Variants in PITPNM3 observed in about 807,000 individuals in gnomAD.
PITPNM3 encodes PITPNM family member 3.
PITPNM3 carries 26 observed loss-of-function variants against 102.0 expected under a neutral mutation model. The observed-to-expected ratio is 0.25, with a 90% CI of 0.19 to 0.35. PITPNM3 has a LOEUF of 0.35. PITPNM3 is among the 10% of genes least tolerant of loss of function. The pLI is 1.00. For synonymous variants in PITPNM3, 578 were observed against 558.6 expected, an observed-to-expected ratio of 1.03 and a Z score of -0.49; for missense variants, 1,083 against 1,346.1, an observed-to-expected ratio of 0.80 and a Z score of 3.06.
intron 3 of PITPNM3, among the ~76,000 whole-genome samples, chr17:6,514,715 C>T (rs1303415451): frequency 6.6e-6 from 1 of 152,164 alleles, no homozygotes; most frequent in African/African-American, 2.4e-5. Flanking sequence ...AAAAGTTAAA[C>T]AGAATTACCA....
At chr17:6,456,280 AC>A (rs1230961117) in intron 19 of PITPNM3, among the ~76,000 whole-genome samples, 1 of 152,072 alleles carries the variant, frequency 6.6e-6, no homozygotes, top group Admixed American at 6.5e-5. Flanking sequence ...GTATCAAAGC[AC>A]CAGGATTACA....
In PITPNM3 at chr17:6,556,431, C is replaced by A; in HGVS notation, c.-25G>T. On this transcript the variant is annotated 5_prime_UTR_variant, in exon 1 of 20. Transcript: ENST00000262483. The surrounding 1 kb of genome is among the most constrained non-coding windows in gnomAD (Gnocchi z 5.2). ...TGTCCCGGGCGGCGGGCTCCGGCGG[C>A]GCTACGCGCGCTCCTCGCGCTTCCC... 8.0e-7 allele frequency: 1 copy of A among 1,255,602 alleles called. No homozygotes were observed. 77.8% of individuals were successfully genotyped at this position (1,255,602 alleles called of 1,614,324 possible).
intron 8 of PITPNM3, among the ~76,000 whole-genome samples, chr17:6,477,517 G>T (rs1013898651): frequency 6.6e-6 from 1 of 152,126 alleles, no homozygotes; most frequent in Admixed American, 6.5e-5. Context: ...TACTCTTGTA[G>T]AATTATGATA....
chr17:6,495,305 A>G (rs981874331), intron 4 of PITPNM3, among the ~76,000 whole-genome samples: 1 of 152,136 alleles, frequency 6.6e-6, no homozygotes, highest in African/African-American at 2.4e-5. Context: ...ACCAATTTAT[A>G]TCTTCTCCCA....
chr17:6,478,047 G>A lies in PITPNM3; in HGVS notation c.828C>T (p.Ile276=). Residue 276 remains isoleucine (I), a synonymous_variant, in exon 8 of 20, where the codon ATC becomes ATT. Transcript: ENST00000262483. This position sits in a 1 kb window ranked among gnomAD's most constrained non-coding sequence, Gnocchi z 4.4. The part of the protein sequence containing the change: ...CVGGLLAFDA[I]CYSAGPSGDS... ...CCCCTGAGGGCCCCGCACTGTAGCA[G>A]ATGGCATCGAAGGCCAGGAGGCCCC... is the stretch of plus-strand genomic sequence containing the variant. 6.2e-7 allele frequency: 1 copy of A among 1,613,796 alleles called. No homozygotes were observed. Among genetic ancestry groups the A allele is most frequent in the Non-Finnish European group, 8.5e-7 (1 of 1,180,044 alleles).
intron 3 of PITPNM3, among the ~76,000 whole-genome samples, chr17:6,505,878 C>G (rs34728555): frequency 0.33 from 49,582 of 151,888 alleles, 8,234 homozygotes; most frequent in Non-Finnish European, 0.36. Flanking sequence ...CGGGGAGAGA[C>G]GGGGAGGGAA....
At position 6,464,643 on chromosome 17, in the gene PITPNM3, A is replaced by C. The variant is rs760249529; in HGVS notation, c.2007+12T>G. On this transcript the variant is annotated intron_variant, in intron 15 of 19. Coordinates refer to ENST00000262483, the MANE Select transcript of PITPNM3 (RefSeq NM_031220.4). ...TGGAGTGGCTGAGGAGGGGAGGCCC[A>C]GCCCCAGGTACCTTCTCTCCAGTCA... is the stretch of plus-strand genomic sequence containing the variant. The C allele has an allele frequency of 6.2e-7, 1 of 1,610,158 alleles. No individual in the cohort carries two copies. Among genetic ancestry groups the C allele is most frequent in the Non-Finnish European group, 8.5e-7 (1 of 1,176,814 alleles).
intron 2 of PITPNM3, 26 bp from the exon 3 acceptor site, chr17:6,525,489 G>C: frequency 6.4e-7 from 1 of 1,572,894 alleles, no homozygotes; most frequent in Non-Finnish European, 8.8e-7. Flanking sequence ...GCGGTGAGCA[G>C]AAGCAGGTGC....
rs149759488 is a variant in PITPNM3, at chr17:6,504,929, C to A, written c.227-1355G>T. On this transcript the variant is annotated intron_variant, in intron 3 of 19. Transcript: ENST00000262483. ...GTGGCTCATGCCTGTAATCCCAGCA[C>A]TTTGGGAGACAGAGGTGGGCGGATC... 5.0e-3 allele frequency among the ~76,000 whole-genome samples: 765 copies of A among 152,240 alleles called. 5 individuals are homozygous for A. The highest frequency in any genetic ancestry group is 0.018 in the African/African-American group (733 of 41,516).
Position 6,457,395 on chromosome 17 carries a change from G to A in PITPNM3, c.2619+199C>T, listed in dbSNP as rs145976666. 2.0e-5 allele frequency among the ~76,000 whole-genome samples: 3 copies of A among 152,356 alleles called. No homozygotes were observed. Among genetic ancestry groups the A allele is most frequent in the East Asian group, 1.9e-4 (1 of 5,190 alleles). Reference sequence around the variant, plus strand: ...CACTACACTGAAGTTCATTGCATCTGGCTCCACTTGGGATTCTCCCCCTGC... The same window carrying A: ...CACTACACTGAAGTTCATTGCATCTAGCTCCACTTGGGATTCTCCCCCTGC... On this transcript the variant is annotated intron_variant, in intron 19 of 19. Coordinates refer to ENST00000262483, the MANE Select transcript of PITPNM3 (RefSeq NM_031220.4). The surrounding 1 kb of genome is among the most constrained non-coding windows in gnomAD (Gnocchi z 4.7).
chr17:6,536,907 A>G (rs186163973), intron 2 of PITPNM3, among the ~76,000 whole-genome samples: 1 of 152,078 alleles, frequency 6.6e-6, no homozygotes, highest in Admixed American at 6.5e-5. Flanking sequence ...GTGGATCAGG[A>G]CCCTGGTGCT....
At chr17:6,466,920 C>T (rs1439569332) in intron 14 of PITPNM3, among the ~76,000 whole-genome samples, 3 of 151,904 alleles carry the variant, frequency 2.0e-5, no homozygotes, top group Non-Finnish European at 4.4e-5. Context: ...AATAATTAGC[C>T]GGGCATGGTG....
intron 3 of PITPNM3, among the ~76,000 whole-genome samples, chr17:6,512,834 T>C (rs1289408446): frequency 6.6e-6 from 1 of 152,188 alleles, no homozygotes; most frequent in Non-Finnish European, 1.5e-5. Context: ...AAGAAGAACC[T>C]AGATTGTAAA....
At chr17:6,494,976 G>A (rs939265510) in intron 4 of PITPNM3, among the ~76,000 whole-genome samples, 1 of 152,110 alleles carries the variant, frequency 6.6e-6, no homozygotes, top group African/African-American at 2.4e-5. Flanking sequence ...GAGCTAAGGA[G>A]ACAATCATGA....
In PITPNM3 at chr17:6,458,181, A is replaced by G. The variant is rs759532429; in HGVS notation, c.2491-459T>C. ...GGTGTGATGACCGCCCCCCTCCCCA[A>G]CCCCAGAATCCCCAATTCAATTCAG... On this transcript the variant is annotated intron_variant, in intron 18 of 19. Coordinates refer to ENST00000262483, the MANE Select transcript of PITPNM3 (RefSeq NM_031220.4). This position sits in a 1 kb window ranked among gnomAD's most constrained non-coding sequence, Gnocchi z 5.1. 6.6e-6 allele frequency among the ~76,000 whole-genome samples: 1 copy of G among 150,738 alleles called. No individual in the cohort carries two copies. The highest frequency in any genetic ancestry group is 1.5e-5 in the Non-Finnish European group (1 of 67,688).
chr17:6,546,974 T>C (rs1189155635), intron 1 of PITPNM3, among the ~76,000 whole-genome samples: 2 of 151,594 alleles, frequency 1.3e-5, no homozygotes, highest in Non-Finnish European at 2.9e-5. Context: ...GCCATTGCAC[T>C]CCAGCCTGGG....
chr17:6,496,979 C>T (rs1246400183), intron 4 of PITPNM3, among the ~76,000 whole-genome samples: 3 of 152,076 alleles, frequency 2.0e-5, no homozygotes, highest in African/African-American at 7.2e-5. Context: ...CATACAAGTG[C>T]AAGGGCACAC....
intron 9 of PITPNM3, among the ~76,000 whole-genome samples, 154 bp from the exon 10 acceptor site, chr17:6,474,758 T>C (rs978873236): frequency 1.3e-5 from 2 of 152,154 alleles, no homozygotes; most frequent in African/African-American, 4.8e-5. Context: ...GCACACCACC[T>C]ACAGTCAGCA....
intron 9 of PITPNM3, among the ~76,000 whole-genome samples, chr17:6,474,915 G>A (rs1156265997): frequency 1.3e-5 from 2 of 152,166 alleles, no homozygotes; most frequent in Non-Finnish European, 2.9e-5. Flanking sequence ...GCATAAAAGC[G>A]CCCATGGACA....
Sources: gnomAD v4.1 joint callset for allele counts (sites outside exome capture counted in the v4.1 genomes callset) on GRCh38, gnomAD v4.1.1 for gene constraint, Gnocchi (gnomAD v3.1) non-coding constraint, MANE v1.5 for transcripts, NCBI Gene and HGNC (gene_info 2026-07-23, HGNC 2026-07-21) for gene names.